Variants in RAB3C observed in about 807,000 individuals in gnomAD.
The protein encoded by RAB3C is ras-related protein Rab-3C.
In RAB3C, 17 loss-of-function variants were observed where a neutral mutation model predicts 26.4. That is an observed-to-expected ratio of 0.64 (90% CI 0.44 to 0.97). The LOEUF is 0.97. Ranked by LOEUF, RAB3C falls within the 50% of genes least tolerant of loss-of-function variation. RAB3C has a pLI of 0.00. For missense variants in RAB3C, 242 were observed against 281.9 expected (o/e 0.86, Z 1.01); for synonymous variants, 91 against 95.9 (o/e 0.95, Z 0.30).
chr5:58,821,613 T>A (rs1183613169), intron 3 of RAB3C, among the ~76,000 whole-genome samples: 1 of 152,218 alleles, frequency 6.6e-6, no homozygotes, highest in East Asian at 1.9e-4. Flanking sequence ...GAATATATTA[T>A]TAACTTAGGT....
intron 1 of RAB3C, 64 bp downstream of exon 1, chr5:58,583,296 G>A: frequency 1.2e-6 from 2 of 1,608,684 alleles, no homozygotes. Context: ...CCCTTGCTCC[G>A]CGCACAAGCA....
intron 3 of RAB3C, among the ~76,000 whole-genome samples, chr5:58,726,659 C>G (rs538714980): frequency 3.9e-5 from 6 of 151,908 alleles, no homozygotes; most frequent in Non-Finnish European, 8.8e-5. Context: ...TTATGGACCC[C>G]TTATCCAAAA....
intron 2 of RAB3C, among the ~76,000 whole-genome samples, chr5:58,668,620 A>T (rs1264691436): frequency 1.3e-5 from 2 of 152,138 alleles, no homozygotes; most frequent in African/African-American, 4.8e-5. Context: ...CAAATCAGAG[A>T]ATCACCAAAA....
intron 2 of RAB3C, among the ~76,000 whole-genome samples, chr5:58,645,246 A>G (rs1747492180): frequency 6.6e-6 from 1 of 152,208 alleles, no homozygotes; most frequent in Non-Finnish European, 1.5e-5. Flanking sequence ...CCAGGGGCTG[A>G]TTATTAGCAC....
chr5:58,645,170 G>A (rs1338522661), intron 2 of RAB3C, among the ~76,000 whole-genome samples: 1 of 152,154 alleles, frequency 6.6e-6, no homozygotes, highest in Non-Finnish European at 1.5e-5. Flanking sequence ...GGATCATTCA[G>A]GGTCAAATGA....
At chr5:58,764,323 T>C (rs982482379) in intron 3 of RAB3C, among the ~76,000 whole-genome samples, 8 of 152,202 alleles carry the variant, frequency 5.3e-5, no homozygotes, top group Non-Finnish European at 7.3e-5. Flanking sequence ...TGCATGACGA[T>C]GTACTCAGCT....
chr5:58,669,109 C>G (rs530254877), intron 2 of RAB3C, among the ~76,000 whole-genome samples: 5 of 152,230 alleles, frequency 3.3e-5, no homozygotes, highest in Admixed American at 2.0e-4. Flanking sequence ...CCTCCAAATA[C>G]TATTACATTG....
chr5:58,650,945 G>A (rs1252829272), intron 2 of RAB3C, among the ~76,000 whole-genome samples: 1 of 152,162 alleles, frequency 6.6e-6, no homozygotes, highest in Non-Finnish European at 1.5e-5. Flanking sequence ...TTTTTATCAA[G>A]CAGGATCACT....
intron 2 of RAB3C, among the ~76,000 whole-genome samples, chr5:58,686,544 T>A (rs159001): frequency 6.6e-6 from 1 of 151,884 alleles, no homozygotes; most frequent in Non-Finnish European, 1.5e-5. Flanking sequence ...AATAAAAATA[T>A]TAACAACTGG....
intron 1 of RAB3C, among the ~76,000 whole-genome samples, chr5:58,613,116 T>G (rs1381831869): frequency 1.3e-5 from 2 of 152,140 alleles, no homozygotes; most frequent in Non-Finnish European, 2.9e-5. Context: ...TGTGGTTACA[T>G]GTTTTAATCA....
At chr5:58,675,022 G>C (rs899484461) in intron 2 of RAB3C, among the ~76,000 whole-genome samples, 1 of 152,086 alleles carries the variant, frequency 6.6e-6, no homozygotes, top group Non-Finnish European at 1.5e-5. Context: ...CCAGCACCTT[G>C]AGGATCATAT....
chr5:58,718,394 A>G (rs529413190), intron 2 of RAB3C, among the ~76,000 whole-genome samples: 2 of 152,068 alleles, frequency 1.3e-5, no homozygotes, highest in Non-Finnish European at 2.9e-5. Context: ...TGCAATTGTT[A>G]GATCTGTCAG....
chr5:58,629,524 T>C (rs562821195), intron 2 of RAB3C, among the ~76,000 whole-genome samples: 1 of 152,138 alleles, frequency 6.6e-6, no homozygotes, highest in African/African-American at 2.4e-5. Context: ...GGCGTGGAAA[T>C]AAACAAAAGA....
chr5:58,591,631 A>G (rs959982606), intron 1 of RAB3C, among the ~76,000 whole-genome samples: 4 of 148,996 alleles, frequency 2.7e-5, no homozygotes, highest in Non-Finnish European at 5.9e-5. Context: ...TTCAACTTAT[A>G]TGTGTCTCTA....
At chr5:58,794,916 A>ATGTT (rs1742610296) in intron 3 of RAB3C, among the ~76,000 whole-genome samples, 1 of 152,256 alleles carries the variant, frequency 6.6e-6, no homozygotes, top group Non-Finnish European at 1.5e-5. Context: ...CATTGCTAAC[A>ATGTT]AGCACCAGGT....
intron 2 of RAB3C, among the ~76,000 whole-genome samples, chr5:58,712,422 G>T (rs1055886130): frequency 2.0e-5 from 3 of 152,100 alleles, no homozygotes; most frequent in African/African-American, 7.2e-5. Context: ...TCAATTTTGA[G>T]TCCAAACATC....
intron 2 of RAB3C, chr5:58,647,498 C>G (rs940555167): frequency 6.6e-6 from 1 of 152,164 alleles, no homozygotes; most frequent in Non-Finnish European, 1.5e-5. Context: ...CTGGGCCCCC[C>G]TCGACACGTG....
chr5:58,828,845 G>A (rs1450055041), intron 4 of RAB3C, among the ~76,000 whole-genome samples: 2 of 91,950 alleles, frequency 2.2e-5, no homozygotes, highest in Non-Finnish European at 4.9e-5. Flanking sequence ...GAGAGGGTAG[G>A]GAATTATTGC....
chr5:58,667,553 T>C (rs770336542), intron 2 of RAB3C, among the ~76,000 whole-genome samples: 115 of 152,168 alleles, frequency 7.6e-4, no homozygotes, highest in South Asian at 4.1e-4. Context: ...ATTAATTTGC[T>C]TAAGCAGCTG....
Sources: allele counts gnomAD v4.1 joint callset (sites outside exome capture counted in the v4.1 genomes callset), GRCh38; gene constraint gnomAD v4.1.1; transcripts MANE v1.5; gene names NCBI Gene and HGNC (gene_info 2026-07-23, HGNC 2026-07-21).